ZNF407: variants seen among roughly 807,000 people sequenced by gnomAD.
ZNF407 encodes zinc finger protein 407.
Under a neutral mutation model 131.2 loss-of-function variants are expected in ZNF407, and 17 were observed. That is an observed-to-expected ratio of 0.13 (90% CI 0.09 to 0.19). ZNF407 has a LOEUF of 0.19. ZNF407 is among the 10% of genes least tolerant of loss of function. The pLI is 1.00. For synonymous variants in ZNF407, 1,156 were observed against 1,062.0 expected (o/e 1.09, Z -1.72); for missense variants, 2,681 against 2,830.6 (o/e 0.95, Z 1.20).
chr18:74,762,660 T>G (rs1969122431), intron 3 of ZNF407, among the ~76,000 whole-genome samples: 2 of 152,140 alleles, frequency 1.3e-5, no homozygotes, highest in South Asian at 4.1e-4. Context: ...TAGAGTTCTT[T>G]GTGAATGGAA....
intron 3 of ZNF407, among the ~76,000 whole-genome samples, chr18:74,757,001 G>C: frequency 6.6e-6 from 1 of 151,730 alleles, no homozygotes; most frequent in South Asian, 2.1e-4. Context: ...TTCTTCATCT[G>C]TTCAGCTAAC....
In ZNF407 at chr18:74,777,730, A is replaced by ACT. The variant is rs755262242; in HGVS notation, c.4803-3678_4803-3677dup. ...TTCCAAGAGACTGTTGATCGATCGC[A>ACT]CTCTCTCTCTCTCTCTCTCTCATTC... On this transcript the variant is annotated intron_variant, in intron 3 of 8. Transcript: ENST00000299687. Among the ~76,000 whole-genome samples the ACT allele has an allele frequency of 1.9e-3, 164 of 86,584 alleles. 1 individual carries two copies. The highest frequency in any genetic ancestry group is 3.9e-3 in the African/African-American group (129 of 32,870). 56.8% of individuals were successfully genotyped at this position (86,584 alleles called of 152,430 possible).
chr18:74,819,899 G>C (rs1316610167), intron 4 of ZNF407, among the ~76,000 whole-genome samples: 2 of 152,326 alleles, frequency 1.3e-5, no homozygotes, highest in Non-Finnish European at 2.9e-5. Context: ...GTGCTGTGAA[G>C]GCTTTGTTCA....
At chr18:74,900,679 C>G (rs1971512553) in intron 7 of ZNF407, among the ~76,000 whole-genome samples, 1 of 152,184 alleles carries the variant, frequency 6.6e-6, no homozygotes, top group Non-Finnish European at 1.5e-5. Flanking sequence ...ACAGGACCCT[C>G]TAATGACATC....
intron 3 of ZNF407, among the ~76,000 whole-genome samples, chr18:74,707,270 C>T (rs1478441505): frequency 6.6e-6 from 1 of 152,088 alleles, no homozygotes; most frequent in Non-Finnish European, 1.5e-5. Flanking sequence ...TTCATTTACC[C>T]AATACACTCT....
intron 7 of ZNF407, among the ~76,000 whole-genome samples, chr18:74,902,651 C>G (rs866478322): frequency 6.6e-6 from 1 of 152,114 alleles, no homozygotes; most frequent in South Asian, 2.1e-4. Flanking sequence ...CAAAGGTGAT[C>G]ACAGAACTTT....
In ZNF407 at chr18:74,633,598, C is replaced by T; in HGVS notation, c.2579C>T (p.Ser860Phe). 6.2e-7 allele frequency: 1 copy of T among 1,613,966 alleles called. No individual in the cohort carries two copies. The highest frequency in any genetic ancestry group is 1.7e-5 in the Admixed American group (1 of 60,016). The part of the protein sequence containing the change: ...RTCSHCGLLA[S>F]SITNLTVHIR... The stretch of plus-strand genomic sequence containing the variant: ...TGTTCACACTGTGGCCTTTTGGCCT[C>T]TAGTATTACAAACTTGACTGTTCAC... The change falls in exon 2 of 9, where the codon TCT becomes TTT. Residue 860 changes from serine (S) to phenylalanine (F), a missense_variant. Physicochemically the swap from Ser to Phe is radical, Grantham distance 155. Transcript: ENST00000299687.
At chr18:74,718,649 A>G (rs1357785809) in intron 3 of ZNF407, among the ~76,000 whole-genome samples, 1 of 152,110 alleles carries the variant, frequency 6.6e-6, no homozygotes, top group Non-Finnish European at 1.5e-5. Flanking sequence ...GCTGTGTGCC[A>G]CTGTACTCAG....
chr18:74,982,859 A>T (rs1972608941), intron 8 of ZNF407, among the ~76,000 whole-genome samples: 1 of 152,226 alleles, frequency 6.6e-6, no homozygotes, highest in Non-Finnish European at 1.5e-5. Flanking sequence ...ATTTTTAAAA[A>T]ATTGATGAAT....
intron 3 of ZNF407, among the ~76,000 whole-genome samples, chr18:74,709,695 G>T (rs1281995785): frequency 6.6e-6 from 1 of 152,190 alleles, no homozygotes. Flanking sequence ...ACAGTTCAGT[G>T]ATAAGGTTAA....
chr18:74,689,962 G>A (rs1294233787), intron 3 of ZNF407, among the ~76,000 whole-genome samples: 1 of 152,090 alleles, frequency 6.6e-6, no homozygotes, highest in Non-Finnish European at 1.5e-5. Context: ...AGCTGTGCAG[G>A]CAGTATAGGA....
intron 8 of ZNF407, among the ~76,000 whole-genome samples, chr18:74,983,478 T>C (rs9963429): frequency 0.17 from 25,125 of 151,230 alleles, 2,286 homozygotes; most frequent in Admixed American, 0.28. Context: ...TGAGTTTTTT[T>C]CTGTTTGTTT....
chr18:74,883,650 C>A (rs1207092765), intron 6 of ZNF407, among the ~76,000 whole-genome samples: 1 of 152,184 alleles, frequency 6.6e-6, no homozygotes, highest in Non-Finnish European at 1.5e-5. Flanking sequence ...AGCTTAATAA[C>A]CACCAGCCCG....
chr18:74,921,012 T>G, intron 8 of ZNF407: 1 of 1,029,850 alleles, frequency 9.7e-7, no homozygotes, highest in Non-Finnish European at 1.2e-6. Context: ...GTTGACTAAT[T>G]GCTAAAATTT....
intron 3 of ZNF407, among the ~76,000 whole-genome samples, chr18:74,743,528 G>A (rs578212091): frequency 3.7e-4 from 56 of 152,226 alleles, no homozygotes; most frequent in African/African-American, 1.2e-3. Context: ...AAGGACCACT[G>A]TAAAGTTGTA....
chr18:75,039,764 A>C (rs1973351453), intron 8 of ZNF407, among the ~76,000 whole-genome samples: 1 of 141,930 alleles, frequency 7.0e-6, no homozygotes, highest in African/African-American at 2.6e-5. Context: ...CTTTCCTGAC[A>C]ATTTATTTCA....
intron 8 of ZNF407, among the ~76,000 whole-genome samples, chr18:74,994,912 C>T (rs964287551): frequency 2.6e-5 from 4 of 152,112 alleles, no homozygotes; most frequent in African/African-American, 9.7e-5. Flanking sequence ...GATTTATCAA[C>T]TATCTAGACA....
At chr18:74,950,775 A>G (rs964503383) in intron 8 of ZNF407, among the ~76,000 whole-genome samples, 1 of 152,230 alleles carries the variant, frequency 6.6e-6, no homozygotes, top group Non-Finnish European at 1.5e-5. Flanking sequence ...TTTTCTTGCT[A>G]ATGGGAATAC....
chr18:75,007,275 T>C (rs1229477692), intron 8 of ZNF407, among the ~76,000 whole-genome samples: 1 of 152,256 alleles, frequency 6.6e-6, no homozygotes. Context: ...CCTTTGAGAC[T>C]AAGGTTTTTT....
Sources: allele counts gnomAD v4.1 joint callset (sites outside exome capture counted in the v4.1 genomes callset), GRCh38; gene constraint gnomAD v4.1.1; transcripts MANE v1.5; gene names NCBI Gene and HGNC (gene_info 2026-07-23, HGNC 2026-07-21).